Variants in TESK2 observed in about 807,000 individuals in gnomAD.
TESK2 encodes testis associated actin remodelling kinase 2.
A neutral mutation model predicts 57.1 loss-of-function variants in TESK2; 39 were observed. The observed-to-expected ratio is 0.68, with a 90% CI of 0.53 to 0.89. The LOEUF (loss-of-function observed/expected upper bound fraction) is 0.89. Ranked by LOEUF, TESK2 falls within the 40% of genes least tolerant of loss-of-function variation. The probability of loss-of-function intolerance (pLI) is 0.00; values close to 1 mark genes in which losing one functional copy is unlikely to be tolerated. For missense variants in TESK2, 646 were observed against 732.1 expected, an observed-to-expected ratio of 0.88 and a Z score of 1.36; for synonymous variants, 249 against 267.9, an observed-to-expected ratio of 0.93 and a Z score of 0.69.
chr1:45,358,866 C>G (rs1647557797), intron 4 of TESK2, among the ~76,000 whole-genome samples: 1 of 152,208 alleles, frequency 6.6e-6, no homozygotes, highest in Non-Finnish European at 1.5e-5. Context: ...AGAGTCCATA[C>G]TCTTTACCAC....
At chr1:45,357,306 T>C (rs1647472726) in intron 4 of TESK2, among the ~76,000 whole-genome samples, 1 of 151,840 alleles carries the variant, frequency 6.6e-6, no homozygotes, top group Admixed American at 6.6e-5. Context: ...AGGAAAGCAT[T>C]CTACAAAGGA....
intron 4 of TESK2, among the ~76,000 whole-genome samples, chr1:45,362,709 A>T (rs1253458768): frequency 6.6e-6 from 1 of 152,194 alleles, no homozygotes; most frequent in African/African-American, 2.4e-5. Context: ...AGCAGAGATA[A>T]TTTGCTACCA....
chr1:45,354,167 C>T (rs1407325009), intron 5 of TESK2, among the ~76,000 whole-genome samples: 1 of 152,184 alleles, frequency 6.6e-6, no homozygotes, highest in Non-Finnish European at 1.5e-5. Flanking sequence ...AACACATATT[C>T]AGGAGATTGA....
At chr1:45,404,430 A>G (rs1384664570) in intron 3 of TESK2, among the ~76,000 whole-genome samples, 2 of 152,230 alleles carry the variant, frequency 1.3e-5, no homozygotes, top group Non-Finnish European at 2.9e-5. Flanking sequence ...ATGGTGATGT[A>G]TAACATTTAC....
At position 45,386,095 on chromosome 1, in the gene TESK2, C is replaced by A. The variant is rs112515886; in HGVS notation, c.345-135G>T. ...CATGATGGCTTACATCTGTAATCCC[C>A]GCACTTTAGGAGGCAGAGGTGTGCG... On this transcript the variant is annotated intron_variant, in intron 3 of 10. Coordinates refer to ENST00000372086, the MANE Select transcript of TESK2 (RefSeq NM_007170.3). 505 of 567,078 alleles carry A rather than the reference C, an allele frequency of 8.9e-4. 5 individuals carry two copies. The East Asian group carries it at 0.012, about 14-fold the overall frequency. The allele number at this position is 567,078 out of a possible 1,614,324, so 35.1% of individuals were successfully genotyped here. A position where few individuals can be genotyped will look rare whatever the true frequency, so the allele number is the denominator to read the frequency against.
intron 1 of TESK2, among the ~76,000 whole-genome samples, chr1:45,481,378 G>A (rs1653217832): frequency 6.6e-6 from 1 of 151,930 alleles, no homozygotes; most frequent in South Asian, 2.1e-4. Context: ...AAAAAAATAA[G>A]CAAGATTGGG....
intron 4 of TESK2, among the ~76,000 whole-genome samples, chr1:45,368,155 C>A (rs1373363639): frequency 6.7e-6 from 1 of 149,904 alleles, no homozygotes; most frequent in African/African-American, 2.5e-5. Flanking sequence ...CCACCACACC[C>A]GGCTAATTTT....
Position 45,355,389 on chromosome 1 carries a change from C to G in TESK2, c.454G>C (p.Val152Leu), listed in dbSNP as rs567596765. ...ATGTCATAGGCCAGTTTTACCCTCA[C>G]AGTCCAAGGCAAATGCAGGTTACTG... ...LDSNLHLPWTVRVKLAYDIAV... is the reference protein window; with the variant it reads ...LDSNLHLPWTLRVKLAYDIAV... The change falls in exon 5 of 11, where the codon GTG becomes CTG. Residue 152 changes from valine (V) to leucine (L), a missense_variant. Coordinates refer to ENST00000372086, the MANE Select transcript of TESK2 (RefSeq NM_007170.3). The G allele has an allele frequency of 6.2e-7, 1 of 1,613,968 alleles. No individual in the cohort carries two copies. The highest frequency in any genetic ancestry group is 1.3e-5 in the African/African-American group (1 of 75,030).
At chr1:45,404,934 T>C (rs1649774758) in intron 3 of TESK2, among the ~76,000 whole-genome samples, 1 of 152,142 alleles carries the variant, frequency 6.6e-6, no homozygotes, top group Admixed American at 6.6e-5. Context: ...AGTGGATTTT[T>C]ACCTCTTAAA....
intron 3 of TESK2, 62 bp from the exon 4 acceptor site, chr1:45,386,022 G>C: frequency 7.3e-7 from 1 of 1,364,380 alleles, no homozygotes; most frequent in Non-Finnish European, 1.0e-6. Flanking sequence ...TTCATATAGA[G>C]AAATCAGGTT....
chr1:45,458,519 C>T (rs1363766161), intron 1 of TESK2, among the ~76,000 whole-genome samples: 4 of 150,516 alleles, frequency 2.7e-5, no homozygotes, highest in Non-Finnish European at 1.5e-5. Flanking sequence ...GAGCCGAGAT[C>T]GTGCCACTGC....
intron 3 of TESK2, among the ~76,000 whole-genome samples, chr1:45,403,241 A>G (rs1040783461): frequency 2.5e-4 from 38 of 151,734 alleles, no homozygotes; most frequent in Admixed American, 2.4e-3. Context: ...GGGAAAAAAA[A>G]AAAAAAAGAA....
intron 1 of TESK2, among the ~76,000 whole-genome samples, chr1:45,466,408 G>A (rs1240548754): frequency 1.3e-5 from 2 of 151,876 alleles, no homozygotes; most frequent in African/African-American, 4.8e-5. Flanking sequence ...CCAGGAGGCA[G>A]AGGTTGAGTG....
chr1:45,471,368 T>A (rs1013455542), intron 1 of TESK2, among the ~76,000 whole-genome samples: 2 of 152,166 alleles, frequency 1.3e-5, no homozygotes, highest in Non-Finnish European at 2.9e-5. Context: ...CTCAGTCTCC[T>A]GAAAGATACA....
At chr1:45,476,208 A>G (rs1368573125) in intron 1 of TESK2, among the ~76,000 whole-genome samples, 1 of 152,120 alleles carries the variant, frequency 6.6e-6, no homozygotes. Context: ...GAGATAGATT[A>G]AATAAATTAC....
chr1:45,437,762 T>G (rs1471661144), intron 2 of TESK2, among the ~76,000 whole-genome samples: 2 of 152,242 alleles, frequency 1.3e-5, no homozygotes, highest in African/African-American at 2.4e-5. Flanking sequence ...AAAGGGATGT[T>G]GAATTTTATA....
chr1:45,438,374 T>G (rs777171866), intron 2 of TESK2, among the ~76,000 whole-genome samples: 1 of 152,132 alleles, frequency 6.6e-6, no homozygotes, highest in African/African-American at 2.4e-5. Context: ...TAGGCACCTG[T>G]AATCCCAGCT....
intron 3 of TESK2, among the ~76,000 whole-genome samples, chr1:45,396,804 T>C (rs1649381186): frequency 8.4e-6 from 1 of 119,382 alleles, no homozygotes; most frequent in Non-Finnish European, 1.7e-5. Context: ...TCAGCTAAGT[T>C]GTTTTTTTTT....
At chr1:45,483,454 T>A (rs2149308744) in intron 1 of TESK2, among the ~76,000 whole-genome samples, 1 of 151,470 alleles carries the variant, frequency 6.6e-6, no homozygotes, top group East Asian at 2.0e-4. Flanking sequence ...AAAAATTAGT[T>A]GGGCATGGTG....
Sources: allele counts gnomAD v4.1 joint callset (sites outside exome capture counted in the v4.1 genomes callset), GRCh38; gene constraint gnomAD v4.1.1; transcripts MANE v1.5; gene names NCBI Gene and HGNC (gene_info 2026-07-23, HGNC 2026-07-21).